Variants in MDM2 observed in about 807,000 individuals in gnomAD.
The protein encoded by MDM2 is MDM2 proto-oncogene.
A neutral mutation model predicts 64.3 loss-of-function variants in MDM2; 11 were observed. The observed-to-expected ratio is 0.17, with a 90% confidence interval of 0.11 to 0.28. The LOEUF is 0.28. MDM2 is among the 10% of genes least tolerant of loss of function. The pLI is 1.00. For missense variants in MDM2, 388 were observed against 577.1 expected, an observed-to-expected ratio of 0.67 and a Z score of 3.36; for synonymous variants, 194 against 192.9, an observed-to-expected ratio of 1.01 and a Z score of -0.05.
chr12:68,827,852 C>T (rs550383295), intron 7 of MDM2, among the ~76,000 whole-genome samples: 3 of 152,108 alleles, frequency 2.0e-5, no homozygotes, highest in Non-Finnish European at 4.4e-5. Flanking sequence ...ACTGAAGAGC[C>T]GGGCTTAGTG....
chr12:68,817,030 A>T (rs2136122104), intron 4 of MDM2, 85 bp downstream of exon 4: 1 of 1,488,608 alleles, frequency 6.7e-7, no homozygotes, highest in Non-Finnish European at 9.0e-7. Context: ...TTTGTCAGAG[A>T]AAAACTGTTG....
intron 5 of MDM2, among the ~76,000 whole-genome samples, chr12:68,824,028 A>G (rs1272492699): frequency 1.3e-5 from 2 of 152,016 alleles, no homozygotes; most frequent in South Asian, 2.1e-4. Context: ...TCCTAGCCCT[A>G]TTTTCATATT....
At chr12:68,834,264 A>G (rs1282794370) in intron 8 of MDM2, among the ~76,000 whole-genome samples, 1 of 152,158 alleles carries the variant, frequency 6.6e-6, no homozygotes, top group Non-Finnish European at 1.5e-5. Context: ...CAACATGACG[A>G]AACCCCGTCT....
intron 7 of MDM2, among the ~76,000 whole-genome samples, chr12:68,826,900 G>C (rs888986499): frequency 6.6e-6 from 1 of 152,132 alleles, no homozygotes; most frequent in African/African-American, 2.4e-5. Context: ...ATCCCGGCCA[G>C]GTCCAGTGGC....
chr12:68,816,652 C>T (rs1459570437), intron 3 of MDM2, among the ~76,000 whole-genome samples, 160 bp from the exon 4 acceptor site: 2 of 152,130 alleles, frequency 1.3e-5, no homozygotes, highest in Non-Finnish European at 2.9e-5. Flanking sequence ...CCACTGCGCC[C>T]AGCCAAAAGT....
chr12:68,844,171 A>G lies in MDM2; in HGVS notation c.*4322A>G, dbSNP rs1204645051. ...ATAGTACACGTGTTGAAAATAAATG[A>G]TTAAGAATTGTTTCAAGAATGCAAT... is the stretch of plus-strand genomic sequence containing the variant. On this transcript the variant is annotated 3_prime_UTR_variant, in exon 11 of 11. Transcript: ENST00000258149. The G allele has an allele frequency of 9.6e-6, 2 of 208,132 alleles. No homozygotes were observed. The highest frequency in any genetic ancestry group is 5.9e-5 in the Admixed American group (1 of 16,828). 12.9% of individuals were successfully genotyped at this position (208,132 alleles called of 1,614,324 possible).
At chr12:68,838,721 A>G (rs1883501673) in intron 10 of MDM2, among the ~76,000 whole-genome samples, 1 of 152,214 alleles carries the variant, frequency 6.6e-6, no homozygotes, top group African/African-American at 2.4e-5. Context: ...ACAGAGTAAA[A>G]GATCCCATAG....
At chr12:68,836,538 T>C (rs965255165) in intron 9 of MDM2, 134 bp from the exon 10 acceptor site, 21 of 701,146 alleles carry the variant, frequency 3.0e-5, no homozygotes, top group Non-Finnish European at 5.2e-5. Flanking sequence ...TACACTCACT[T>C]ACTCTATTTG....
intron 3 of MDM2, chr12:68,815,558 C>A: frequency 7.4e-6 from 2 of 269,970 alleles, no homozygotes; most frequent in Non-Finnish European, 1.5e-5. Context: ...CCTCCCACCT[C>A]AGTGTCTGCA....
intron 9 of MDM2, 98 bp downstream of exon 9, chr12:68,836,082 T>G: frequency 1.9e-6 from 2 of 1,079,614 alleles, no homozygotes; most frequent in Non-Finnish European, 2.6e-6. Flanking sequence ...CAGATTTCAC[T>G]TGAAATCTTT....
intron 10 of MDM2, among the ~76,000 whole-genome samples, 187 bp downstream of exon 10, chr12:68,836,936 T>C (rs993898954): frequency 1.3e-4 from 20 of 151,620 alleles, no homozygotes; most frequent in Admixed American, 1.1e-3. Context: ...ATTTTTATTT[T>C]TAGGTGCTGG....
intron 6 of MDM2, 53 bp from the exon 7 acceptor site, chr12:68,824,502 G>C (rs1882137599): frequency 6.3e-7 from 1 of 1,590,812 alleles, no homozygotes; most frequent in African/African-American, 1.3e-5. Flanking sequence ...CAACAAGTTA[G>C]CTTACTGGTT....
At chr12:68,825,789 A>G (rs1882268614) in intron 7 of MDM2, among the ~76,000 whole-genome samples, 1 of 152,244 alleles carries the variant, frequency 6.6e-6, no homozygotes, top group South Asian at 2.1e-4. Context: ...AGAATGTCAG[A>G]TCAGTGAAAC....
intron 1 of MDM2, chr12:68,808,957 A>G (rs1329291747): frequency 4.3e-6 from 6 of 1,390,876 alleles, no homozygotes; most frequent in Non-Finnish European, 5.6e-6. Flanking sequence ...ACTGCAGTAA[A>G]AGGAGTTAAG....
At chr12:68,850,268 A>G (rs559961699), downstream of MDM2, 1 of 150,040 alleles carries the variant, frequency 6.7e-6, no homozygotes, top group South Asian at 2.1e-4. Context: ...CCTGGGTGAC[A>G]GAGCGAGACT....
chr12:68,823,160 A>G (rs879298998), intron 5 of MDM2, among the ~76,000 whole-genome samples: 2 of 152,222 alleles, frequency 1.3e-5, no homozygotes, highest in Non-Finnish European at 2.9e-5. Flanking sequence ...TGCCTTACCC[A>G]TAGTATAAAG....
chr12:68,835,152 A>G (rs1426871646), intron 8 of MDM2, among the ~76,000 whole-genome samples: 1 of 152,228 alleles, frequency 6.6e-6, no homozygotes, highest in Non-Finnish European at 1.5e-5. Context: ...GTTTTAGCTC[A>G]AAGTATATAT....
Position 68,843,256 on chromosome 12 carries a change from C to T in MDM2, c.*3407C>T, listed in dbSNP as rs369844238. ...TGAACTCCAAATAATGCTTTGAGGA[C>T]CTCCAAAGGTAAAAGTACTAATCCC... On this transcript the variant is annotated 3_prime_UTR_variant, in exon 11 of 11. Transcript: ENST00000258149. 111 of 226,786 alleles carry T rather than the reference C, an allele frequency of 4.9e-4. No homozygotes were observed. The South Asian group carries it at 7.1e-3, about 15-fold the overall frequency. 14.0% of individuals were successfully genotyped at this position (226,786 alleles called of 1,614,324 possible).
chr12:68,815,433 C>CTTTT (rs58178593), intron 3 of MDM2, among the ~76,000 whole-genome samples: 4,714 of 92,968 alleles, frequency 0.051, 609 homozygotes, highest in African/African-American at 0.19. Flanking sequence ...GTTTCTTCTT[C>CTTTT]TTTTTTTTTT....
Sources: allele counts gnomAD v4.1 joint callset (sites outside exome capture counted in the v4.1 genomes callset), GRCh38; gene constraint gnomAD v4.1.1; transcripts MANE v1.5; gene names NCBI Gene and HGNC (gene_info 2026-07-23, HGNC 2026-07-21).